The following ROS1 variants were observed in gnomAD, a reference collection of about 807,000 sequenced individuals.
The protein encoded by ROS1 is ROS proto-oncogene 1, receptor tyrosine kinase.
A neutral mutation model predicts 273.5 loss-of-function variants in ROS1; 263 were observed. The ratio of observed to expected loss-of-function variants is 0.96; its 90% CI spans 0.87 to 1.06. ROS1 has a LOEUF of 1.06. Among genes scored for constraint, ROS1 ranks in the 50% least tolerant of loss-of-function variants. ROS1 has a pLI of 0.00. For missense variants in ROS1, 2,833 were observed against 2,751.1 expected, an observed-to-expected ratio of 1.03 and a Z score of -0.67; for synonymous variants, 1,008 against 954.1, an observed-to-expected ratio of 1.06 and a Z score of -1.04.
intron 12 of ROS1, among the ~76,000 whole-genome samples, chr6:117,392,901 A>G (rs1232628179): frequency 6.6e-6 from 1 of 152,140 alleles, no homozygotes; most frequent in Non-Finnish European, 1.5e-5. Flanking sequence ...GGAAAGTGAG[A>G]CTCAATCCCA....
At chr6:117,390,326 C>T (rs955790325) in intron 12 of ROS1, among the ~76,000 whole-genome samples, 2 of 151,994 alleles carry the variant, frequency 1.3e-5, no homozygotes, top group African/African-American at 2.4e-5. Context: ...AGGGTATCAC[C>T]GTGTTGCCCA....
chr6:117,387,838 A>G lies in ROS1; in HGVS notation c.1941T>C (p.Ser647=), dbSNP rs767768845. 2 of 1,614,166 alleles carry G rather than the reference A, an allele frequency of 1.2e-6. No individual in the cohort carries two copies. The highest frequency in any genetic ancestry group is 8.5e-7 in the Non-Finnish European group (1 of 1,180,020). Residue 647 remains serine (S), a synonymous_variant, in exon 14 of 44, where the codon AGT becomes AGC. Transcript: ENST00000368507. ...AMKYKVSVRA[S]SPKRPGPWSE... is the part of the protein sequence containing the mutation. ...ACCAGGGGCCTGGCCTCTTTGGAGA[A>G]CTTGCTCTCACAGAAACCTTGTATT...
chr6:117,308,772 T>C lies in ROS1; in HGVS notation c.6551+22A>G, dbSNP rs768203069. ...CACATGTTTTTGTTTGGGGGATACA[T>C]ATGTTAACATAATTAACTTACAGAT... On this transcript the variant is annotated intron_variant, in intron 42 of 43. Transcript: ENST00000368507. The C allele has an allele frequency of 4.3e-6, 7 of 1,609,418 alleles. No homozygotes were observed. In the Admixed American group the frequency reaches 1.2e-4, roughly 27 times the overall value.
chr6:117,304,946 G>A (rs564518237), intron 42 of ROS1, among the ~76,000 whole-genome samples: 2 of 152,130 alleles, frequency 1.3e-5, no homozygotes, highest in East Asian at 1.9e-4. Flanking sequence ...TCTGGCCATG[G>A]GAAAGACTGT....
intron 12 of ROS1, among the ~76,000 whole-genome samples, chr6:117,392,491 C>T (rs1056767708): frequency 1.3e-5 from 2 of 152,164 alleles, no homozygotes; most frequent in East Asian, 1.9e-4. Context: ...TCCAAAATAA[C>T]TTTCTATGTG....
At chr6:117,319,674 G>T (rs1776149874) in intron 37 of ROS1, among the ~76,000 whole-genome samples, 194 bp downstream of exon 37, 1 of 152,116 alleles carries the variant, frequency 6.6e-6, no homozygotes, top group Non-Finnish European at 1.5e-5. Flanking sequence ...CCTGGAGATT[G>T]TTGATTACAA....
In ROS1 at chr6:117,359,889, T is replaced by G. The variant is rs1395082157; in HGVS notation, c.3553A>C (p.Thr1185Pro). The G allele has an allele frequency of 3.1e-6, 5 of 1,613,790 alleles. No individual in the cohort carries two copies. The highest frequency in any genetic ancestry group is 4.2e-6 in the Non-Finnish European group (5 of 1,179,870). The stretch of plus-strand genomic sequence containing the variant: ...TAATATCCCATCTCATTATCAGCTG[T>G]GTAGCAAACGGCACTGATAACTCTT... Reference protein sequence around the residue: ...AERVISAVCYTADNEMGYYAE... With the variant: ...AERVISAVCYPADNEMGYYAE... The change falls in exon 24 of 44, where the codon ACA becomes CCA. Residue 1185 changes from threonine to proline, a missense_variant. Transcript: ENST00000368507.
intron 3 of ROS1, 129 bp downstream of exon 3, chr6:117,416,129 T>A (rs1444412272): frequency 4.7e-6 from 3 of 640,448 alleles, no homozygotes; most frequent in East Asian, 2.7e-5. Context: ...TTTTTAGTTT[T>A]GTTTTGTTTT....
At chr6:117,308,677 C>A in intron 42 of ROS1, 117 bp downstream of exon 42, 2 of 936,172 alleles carry the variant, frequency 2.1e-6, no homozygotes, top group Non-Finnish European at 3.1e-6. Flanking sequence ...GTGGGGTATA[C>A]AATATTTAAG....
chr6:117,322,706 G>A (rs1205275926), intron 35 of ROS1, among the ~76,000 whole-genome samples: 1 of 152,134 alleles, frequency 6.6e-6, no homozygotes, highest in Non-Finnish European at 1.5e-5. Flanking sequence ...TAAAATAATT[G>A]TGACTGTTTT....
chr6:117,368,717 T>A (rs1285838588), intron 18 of ROS1, among the ~76,000 whole-genome samples: 2 of 152,188 alleles, frequency 1.3e-5, no homozygotes, highest in African/African-American at 4.8e-5. Context: ...TTTTTGAGTA[T>A]TTTAGAACAA....
chr6:117,354,759 G>C (rs1779161116), intron 26 of ROS1, among the ~76,000 whole-genome samples: 1 of 152,064 alleles, frequency 6.6e-6, no homozygotes, highest in South Asian at 2.1e-4. Context: ...CTTGTGTCTT[G>C]TGTATCAAAT....
chr6:117,399,679 C>T (rs1252651743), intron 7 of ROS1, among the ~76,000 whole-genome samples: 2 of 152,194 alleles, frequency 1.3e-5, no homozygotes, highest in Non-Finnish European at 2.9e-5. Flanking sequence ...CGGTGTCTGC[C>T]CCAGCATTCG....
Position 117,353,042 on chromosome 6 carries a change from G to A in ROS1, c.4251C>T (p.Ala1417=), listed in dbSNP as rs747647999. The A allele has an allele frequency of 1.1e-5, 18 of 1,613,932 alleles. No homozygotes were observed. Among genetic ancestry groups the A allele is most frequent in the Admixed American group, 1.0e-4 (6 of 59,994 alleles). The change falls in exon 27 of 44, where the codon GCC becomes GCT. Residue 1417 remains alanine, a synonymous_variant. Coordinates refer to ENST00000368507, the MANE Select transcript of ROS1 (RefSeq NM_001378902.1). ...AAGCCAAGATATGCCTACTCCTTAG[G>A]GCCTTCACCTGGGAAACGATGGCCC... ...GNGAIVSQVK[A]LRSRHILAYS...
chr6:117,290,084 A>G (rs1239361835), intron 43 of ROS1, among the ~76,000 whole-genome samples: 2 of 152,224 alleles, frequency 1.3e-5, no homozygotes, highest in African/African-American at 4.8e-5. Context: ...TTAAATCTAC[A>G]ATATAGTCTA....
chr6:117,338,539 CA>C (rs3086778), intron 31 of ROS1, among the ~76,000 whole-genome samples: 91 of 141,498 alleles, frequency 6.4e-4, no homozygotes, highest in South Asian at 1.3e-3. Context: ...AACTCCTGGC[CA>C]AAAAAAAAAA....
intron 20 of ROS1, 62 bp from the exon 21 acceptor site, chr6:117,365,266 T>C: frequency 2.7e-6 from 4 of 1,470,514 alleles, no homozygotes; most frequent in Non-Finnish European, 3.7e-6. Context: ...TTTCATTCCT[T>C]ATTATCTAAA....
At chr6:117,352,310 T>TTATGACTG (rs1413468190) in intron 27 of ROS1, among the ~76,000 whole-genome samples, 1 of 152,168 alleles carries the variant, frequency 6.6e-6, no homozygotes, top group Non-Finnish European at 1.5e-5. Flanking sequence ...CAATGTTTTA[T>TTATGACTG]TATGACTGTC....
intron 8 of ROS1, among the ~76,000 whole-genome samples, chr6:117,396,614 CT>C (rs1773508724): frequency 6.6e-6 from 1 of 152,146 alleles, no homozygotes; most frequent in African/African-American, 2.4e-5. Context: ...TACCTCCTTA[CT>C]TTTTTCATAT....
Sources: gnomAD v4.1 joint callset for allele counts (sites outside exome capture counted in the v4.1 genomes callset) on GRCh38, gnomAD v4.1.1 for gene constraint, MANE v1.5 for transcripts, NCBI Gene and HGNC (gene_info 2026-07-23, HGNC 2026-07-21) for gene names.